The following GARNL3 variants were observed in gnomAD, a reference collection of about 807,000 sequenced individuals.
GARNL3 encodes the protein GTPase-activating Rap/Ran-GAP domain-like protein 3.
A neutral mutation model predicts 125.0 loss-of-function variants in GARNL3; 63 were observed. The observed-to-expected ratio is 0.50, with a 90% CI of 0.41 to 0.62. The LOEUF (loss-of-function observed/expected upper bound fraction) is 0.62. Among genes scored for constraint, GARNL3 ranks in the 20% least tolerant of loss-of-function variants. The probability of loss-of-function intolerance (pLI) is 0.00; values close to 1 mark genes in which losing one functional copy is unlikely to be tolerated. For synonymous variants in GARNL3, 439 were observed against 457.5 expected (o/e 0.96, Z 0.52); for missense variants, 994 against 1,244.0 (o/e 0.80, Z 3.02).
In GARNL3 at chr9:127,298,186, G is replaced by GT. The variant is rs1389759880; in HGVS notation, c.219+6944_219+6945insT. Among the ~76,000 whole-genome samples, 676 of 152,040 alleles carry GT rather than the reference G, an allele frequency of 4.4e-3. 7 individuals are homozygous for GT. Among genetic ancestry groups the GT allele is most frequent in the African/African-American group, 0.016 (646 of 41,454 alleles). On this transcript the variant is annotated intron_variant, in intron 2 of 27. Transcript: ENST00000373387. ...CAAGTTTTTGTTTTTGGTTTTTTGG[G>GT]GTTTTTTTGAGACGAAGTCTTGGCT...
At chr9:127,324,513 C>G (rs145818530) in intron 6 of GARNL3, among the ~76,000 whole-genome samples, 1 of 152,320 alleles carries the variant, frequency 6.6e-6, no homozygotes, top group East Asian at 1.9e-4. Context: ...CCTTCCCACT[C>G]CGTTCAGCCA....
At chr9:127,324,467 G>A (rs1200624570) in intron 6 of GARNL3, among the ~76,000 whole-genome samples, 2 of 152,060 alleles carry the variant, frequency 1.3e-5, no homozygotes, top group South Asian at 2.1e-4. Flanking sequence ...GACCCTCGTC[G>A]CCTCTGCACT....
chr9:127,229,876 G>A (rs2062972733), intron 1 of GARNL3, among the ~76,000 whole-genome samples: 1 of 152,224 alleles, frequency 6.6e-6, no homozygotes, highest in South Asian at 2.1e-4. Flanking sequence ...ATCAGGAGAA[G>A]AAAGTCCTTA....
chr9:127,289,262 G>A (rs752760275), intron 1 of GARNL3, among the ~76,000 whole-genome samples: 3 of 152,174 alleles, frequency 2.0e-5, no homozygotes, highest in East Asian at 1.9e-4. Context: ...CTACTACAGC[G>A]TTCAGGAGTC....
rs773042654 is a variant in GARNL3, at chr9:127,335,253, G to C, written c.793G>C (p.Val265Leu). ...TKNDTTGIHSVYTVYQGHEIM... is the reference protein window; with the variant it reads ...TKNDTTGIHSLYTVYQGHEIM... ...AGATGATACCACAGGGATACATTCAGTTTATACTGTGTACCAAGGGCATGA... is the reference window on the plus strand; with the variant it reads ...AGATGATACCACAGGGATACATTCACTTTATACTGTGTACCAAGGGCATGA... Residue 265 changes from valine to leucine, a missense_variant, in exon 10 of 28, where the codon GTT becomes CTT. Physicochemically the swap from Val to Leu is conservative, Grantham distance 32. Around this residue, in one of 5 missense-constraint regions of GARNL3, gnomAD observed 71 missense variants for 66.2 expected, o/e 1.07. Coordinates refer to ENST00000373387, the MANE Select transcript of GARNL3 (RefSeq NM_032293.5). 12 of 1,613,548 alleles carry C rather than the reference G, an allele frequency of 7.4e-6. No homozygotes were observed. In the East Asian group the frequency reaches 2.7e-4, roughly 36 times the overall value.
intron 21 of GARNL3, among the ~76,000 whole-genome samples, 188 bp downstream of exon 21, chr9:127,357,565 A>G (rs1830754902): frequency 6.6e-6 from 1 of 152,180 alleles, no homozygotes; most frequent in Non-Finnish European, 1.5e-5. Flanking sequence ...GAATGGTTCT[A>G]TCTATTATCA....
At chr9:127,247,415 T>C (rs1486161288) in intron 2 of GARNL3, among the ~76,000 whole-genome samples, 1 of 152,142 alleles carries the variant, frequency 6.6e-6, no homozygotes, top group African/African-American at 2.4e-5. Context: ...AGGGCCTCAA[T>C]GCTGTCAAGT....
At chr9:127,224,906 G>GGGGCGGGGCGT (rs71377990) in intron 1 of GARNL3, among the ~76,000 whole-genome samples, 272 of 101,060 alleles carry the variant, frequency 2.7e-3, no homozygotes, top group Non-Finnish European at 3.9e-3. Context: ...ACCGGAGCGC[G>GGGGCGGGGCGT]GGGCGGGGCG....
Position 127,306,809 on chromosome 9 carries a change from C to A in GARNL3, c.220-4827C>A, listed in dbSNP as rs553831823. Among the ~76,000 whole-genome samples, 18 of 151,874 alleles carry A rather than the reference C, an allele frequency of 1.2e-4. No homozygotes were observed. The East Asian group carries it at 3.5e-3, about 29-fold the overall frequency. ...GGCTGAGGTAGTAGAATTGTTTGAA[C>A]CTCAGAAACAGGTTGCAGTGAGCCA... is the stretch of plus-strand genomic sequence containing the variant. On this transcript the variant is annotated intron_variant, in intron 2 of 27. Coordinates refer to ENST00000373387, the MANE Select transcript of GARNL3 (RefSeq NM_032293.5).
chr9:127,271,919 A>G (rs2063832170), intron 1 of GARNL3, among the ~76,000 whole-genome samples: 1 of 150,264 alleles, frequency 6.7e-6, no homozygotes, highest in African/African-American at 2.5e-5. Flanking sequence ...AGCCACGTGC[A>G]TGCTCCCCTG....
intron 13 of GARNL3, among the ~76,000 whole-genome samples, chr9:127,340,641 A>G (rs181211038): frequency 6.7e-6 from 1 of 148,862 alleles, no homozygotes; most frequent in African/African-American, 2.5e-5. Flanking sequence ...AGACATCTAG[A>G]ATGCCCCTCT....
At chr9:127,304,887 C>T (rs1321147252) in intron 2 of GARNL3, among the ~76,000 whole-genome samples, 1 of 152,080 alleles carries the variant, frequency 6.6e-6, no homozygotes, top group Non-Finnish European at 1.5e-5. Flanking sequence ...AAATGTCCAT[C>T]AATAGAAGAA....
chr9:127,266,671 G>A lies in GARNL3; in HGVS notation c.144+1650G>A, dbSNP rs1365346602. ...TAGAGGGTTGTTATGAGGATTAAAT[G>A]AGATCATGTACATAAAGTACTTAGC... On this transcript the variant is annotated intron_variant, in intron 1 of 27. Transcript: ENST00000373387. The surrounding 1 kb of genome is among the most constrained non-coding windows in gnomAD (Gnocchi z 4.0). Among the ~76,000 whole-genome samples, 1 of 152,210 alleles carries A rather than the reference G, an allele frequency of 6.6e-6. No homozygotes were observed. The highest frequency in any genetic ancestry group is 1.5e-5 in the Non-Finnish European group (1 of 68,034).
rs2063105437 is a variant in GARNL3, at chr9:127,235,949, T to A, written c.-28-7130T>A. 2.0e-5 allele frequency among the ~76,000 whole-genome samples: 3 copies of A among 152,248 alleles called. No homozygotes were observed. The South Asian group carries it at 6.2e-4, about 32-fold the overall frequency. On this transcript the variant is annotated intron_variant, in intron 1 of 10. Coordinates refer to the GARNL3 transcript ENST00000439286. The stretch of plus-strand genomic sequence containing the variant: ...TTTGTTTGGGTTTTTTAGCTCTTGT[T>A]TTATAAAGATGTTTATATCTGATGG...
intron 16 of GARNL3, among the ~76,000 whole-genome samples, chr9:127,346,899 T>C (rs1231676105): frequency 6.6e-6 from 1 of 152,166 alleles, no homozygotes; most frequent in Non-Finnish European, 1.5e-5. Flanking sequence ...CACTTAGACA[T>C]GAAAGCCTGG....
chr9:127,341,016 A>G (rs1018446151), intron 13 of GARNL3, among the ~76,000 whole-genome samples: 2 of 151,928 alleles, frequency 1.3e-5, no homozygotes, highest in African/African-American at 4.8e-5. Flanking sequence ...TGATTCCACA[A>G]CTTTGTCCTG....
intron 2 of GARNL3, among the ~76,000 whole-genome samples, chr9:127,305,268 C>G (rs1318563251): frequency 6.6e-6 from 1 of 152,182 alleles, no homozygotes; most frequent in African/African-American, 2.4e-5. Flanking sequence ...CCTTTACTGT[C>G]CACTAGTACT....
intron 17 of GARNL3, 137 bp from the exon 18 acceptor site, chr9:127,353,709 T>C: frequency 1.4e-6 from 1 of 727,476 alleles, no homozygotes; most frequent in Non-Finnish European, 2.5e-6. Context: ...TTTGTAGAGC[T>C]TATGAAAGCC....
rs757112172 is a variant in GARNL3, at chr9:127,264,901, G to A, written c.24G>A (p.Arg8=). The change falls in exon 1 of 28, where the codon AGG becomes AGA. Residue 8 remains arginine (R), a synonymous_variant. Coordinates refer to ENST00000373387, the MANE Select transcript of GARNL3 (RefSeq NM_032293.5). MVVDFCR[R]FVARSLCIIL... is the part of the protein sequence containing the mutation. ...AAATGGTAGTTGATTTTTGCAGAAG[G>A]TTTGTGGCCAGATCGCTATGTATAA... 1.3e-6 allele frequency: 2 copies of A among 1,595,726 alleles called. No individual in the cohort carries two copies. The highest frequency in any genetic ancestry group is 1.7e-6 in the Non-Finnish European group (2 of 1,169,424).
Sources: gnomAD v4.1 joint callset for allele counts (sites outside exome capture counted in the v4.1 genomes callset) on GRCh38, gnomAD v4.1.1 for gene constraint, gnomAD v4.1.1 regional missense constraint, Gnocchi (gnomAD v3.1) non-coding constraint, MANE v1.5 for transcripts, NCBI Gene and HGNC (gene_info 2026-07-23, HGNC 2026-07-21) for gene names.